The following TLK1 variants were observed in gnomAD, a reference collection of about 807,000 sequenced individuals.
The protein encoded by TLK1 is tousled like kinase 1, also known as serine/threonine-protein kinase tousled-like 1.
A neutral mutation model predicts 105.3 loss-of-function variants in TLK1; 24 were observed. The observed-to-expected ratio is 0.23, with a 90% CI of 0.17 to 0.32. The LOEUF (loss-of-function observed/expected upper bound fraction) is 0.32. TLK1 is among the 10% of genes least tolerant of loss of function. TLK1 has a pLI of 1.00. For synonymous variants in TLK1, 321 were observed against 310.4 expected, an observed-to-expected ratio of 1.03 and a Z score of -0.36; for missense variants, 558 against 910.5, an observed-to-expected ratio of 0.61 and a Z score of 4.98.
chr2:171,177,582 A>T (rs1692853518), intron 1 of TLK1, among the ~76,000 whole-genome samples: 1 of 152,164 alleles, frequency 6.6e-6, no homozygotes, highest in African/African-American at 2.4e-5. Context: ...CCAAATTAGG[A>T]ACAGAACTGG....
intron 2 of TLK1, among the ~76,000 whole-genome samples, chr2:171,108,584 G>A (rs76544270): frequency 0.032 from 4,843 of 151,982 alleles, 251 homozygotes; most frequent in African/African-American, 0.11. Flanking sequence ...AACATATGCT[G>A]TCTACAAGAA....
At chr2:171,113,016 A>C (rs1408303972) in intron 2 of TLK1, among the ~76,000 whole-genome samples, 1 of 152,162 alleles carries the variant, frequency 6.6e-6, no homozygotes. Context: ...AAGCTATAAT[A>C]GAAGAATTCC....
At chr2:171,180,132 G>A (rs1317920030) in intron 1 of TLK1, among the ~76,000 whole-genome samples, 1 of 151,636 alleles carries the variant, frequency 6.6e-6, no homozygotes, top group East Asian at 1.9e-4. Flanking sequence ...CAGGCATGGG[G>A]GTGGACGTCT....
chr2:171,082,299 G>A (rs1012024368), intron 3 of TLK1, among the ~76,000 whole-genome samples: 4 of 151,980 alleles, frequency 2.6e-5, no homozygotes, highest in African/African-American at 7.3e-5. Context: ...ATTAAGAGGG[G>A]AGGGAATTCT....
chr2:171,142,898 T>C (rs889354326), intron 1 of TLK1, among the ~76,000 whole-genome samples: 8 of 152,170 alleles, frequency 5.3e-5, no homozygotes, highest in Non-Finnish European at 1.0e-4. Context: ...ATTTAAATCT[T>C]ACTAGAATGG....
At position 171,046,089 on chromosome 2, in the gene TLK1, T is replaced by C. The variant is rs538428853; in HGVS notation, c.1169+85A>G. On this transcript the variant is annotated intron_variant, in intron 11 of 20. Transcript: ENST00000431350. ...GTCTTAATCATTTTTGCTATCTAAG[T>C]ATTAATTATAAATAACATCCATTAG... 4.1e-6 allele frequency: 5 copies of C among 1,208,930 alleles called. No individual in the cohort carries two copies. The South Asian group carries it at 8.3e-5, about 20-fold the overall frequency. 74.9% of individuals were successfully genotyped at this position (1,208,930 alleles called of 1,614,324 possible).
chr2:171,080,119 C>A (rs569229772), intron 3 of TLK1, among the ~76,000 whole-genome samples: 4 of 150,802 alleles, frequency 2.7e-5, no homozygotes, highest in Non-Finnish European at 5.9e-5. Flanking sequence ...ATTGCTTGAA[C>A]CTGGGAGGCG....
At chr2:171,062,369 G>A (rs756307880) in intron 3 of TLK1, among the ~76,000 whole-genome samples, 6 of 152,168 alleles carry the variant, frequency 3.9e-5, no homozygotes, top group African/African-American at 7.2e-5. Context: ...TCATGTCTCT[G>A]AGTGGGCCTA....
At position 171,160,559 on chromosome 2, in the gene TLK1, C is replaced by G. The variant is rs1692446615; in HGVS notation, c.-131G>C. 5.2e-6 allele frequency: 7 copies of G among 1,352,252 alleles called. No homozygotes were observed. Among genetic ancestry groups the G allele is most frequent in the Non-Finnish European group, 5.9e-6 (6 of 1,008,464 alleles). 83.8% of individuals were successfully genotyped at this position (1,352,252 alleles called of 1,614,324 possible). ...AGAGCGAGGGCTGGGAGGGGAGAGTCAAGGGGATGGGGGAGGAAACCGAGA... is the reference window on the plus strand; with the variant it reads ...AGAGCGAGGGCTGGGAGGGGAGAGTGAAGGGGATGGGGGAGGAAACCGAGA... On this transcript the variant is annotated 5_prime_UTR_variant, in exon 1 of 21. Transcript: ENST00000431350. The surrounding 1 kb of genome is among the most constrained non-coding windows in gnomAD (Gnocchi z 4.4).
rs1017320848 is a variant in TLK1, at chr2:171,028,525, T to C, written c.1170-120A>G. The C allele has an allele frequency of 4.7e-6, 3 of 633,310 alleles. No homozygotes were observed. The African/African-American group carries it at 5.7e-5, about 12-fold the overall frequency. 39.2% of individuals were successfully genotyped at this position (633,310 alleles called of 1,614,324 possible). A position where few individuals can be genotyped will look rare whatever the true frequency, so the allele number is the denominator to read the frequency against. ...TGTGGACAACTTTAAGCCCAAAATG[T>C]ATGAGCCAAAAATCCTTTGAGATAT... On this transcript the variant is annotated intron_variant, in intron 11 of 20. Coordinates refer to ENST00000431350, the MANE Select transcript of TLK1 (RefSeq NM_012290.5).
At position 170,991,633 on chromosome 2, in the gene TLK1, T is replaced by A. The variant is rs1683788317; in HGVS notation, c.*2147A>T. On this transcript the variant is annotated 3_prime_UTR_variant, in exon 21 of 21. Transcript: ENST00000431350. ...TGCCACTAGCAGTCGCTCTCATTCA[T>A]TTGAAAGTAAAATGGTAAAGCAGTG... 1 of 152,194 alleles carries A rather than the reference T, an allele frequency of 6.6e-6. No homozygotes were observed. The highest frequency in any genetic ancestry group is 2.4e-5 in the African/African-American group (1 of 41,438). 9.4% of individuals were successfully genotyped at this position (152,194 alleles called of 1,614,324 possible). A position where few individuals can be genotyped will look rare whatever the true frequency, so the allele number is the denominator to read the frequency against.
At chr2:171,135,897 A>G (rs1575619926) in intron 1 of TLK1, among the ~76,000 whole-genome samples, 1 of 152,310 alleles carries the variant, frequency 6.6e-6, no homozygotes, top group East Asian at 1.9e-4. Context: ...AAAAACACTG[A>G]AAAAAAGTGT....
At position 171,182,031 on chromosome 2, in the gene TLK1, T is replaced by C. The variant is rs139758679; in HGVS notation, c.-6+49114A>G. Among the ~76,000 whole-genome samples, 6 of 152,332 alleles carry C rather than the reference T, an allele frequency of 3.9e-5. No individual in the cohort carries two copies. In the East Asian group the frequency reaches 1.2e-3, roughly 29 times the overall value. On this transcript the variant is annotated intron_variant, in intron 1 of 20. Transcript: ENST00000521943. Reference sequence around the variant, plus strand: ...TCTGGGTCGATCCAACCAGTGGCTTTTCACTCCTATACCTGAGCATGTAGA... The same window carrying C: ...TCTGGGTCGATCCAACCAGTGGCTTCTCACTCCTATACCTGAGCATGTAGA...
intron 3 of TLK1, among the ~76,000 whole-genome samples, chr2:171,070,171 G>T (rs1688185827): frequency 6.6e-6 from 1 of 150,694 alleles, no homozygotes; most frequent in Non-Finnish European, 1.5e-5. Context: ...AGCTTAGAAG[G>T]TTCCTTTTTA....
chr2:171,118,441 T>G (rs1467946209), intron 1 of TLK1, among the ~76,000 whole-genome samples: 2 of 152,196 alleles, frequency 1.3e-5, no homozygotes, highest in African/African-American at 4.8e-5. Flanking sequence ...TTTATTATTG[T>G]CACAATCCTT....
intron 3 of TLK1, among the ~76,000 whole-genome samples, chr2:171,073,886 C>T (rs1688377803): frequency 1.6e-5 from 2 of 124,018 alleles, no homozygotes; most frequent in East Asian, 2.9e-4. Flanking sequence ...CCCCCCCCTC[C>T]TTTTTTTTTC....
intron 1 of TLK1, among the ~76,000 whole-genome samples, chr2:171,120,259 A>G (rs1690600587): frequency 6.6e-6 from 1 of 150,822 alleles, no homozygotes; most frequent in Non-Finnish European, 1.5e-5. Context: ...AAAAAAAAAA[A>G]AAAAAAAAAA....
chr2:171,049,715 A>G, intron 10 of TLK1, 99 bp downstream of exon 10: 1 of 1,404,870 alleles, frequency 7.1e-7, no homozygotes, highest in Middle Eastern at 2.5e-4. Context: ...ATTTCAGAGT[A>G]GCGAGGAACT....
chr2:171,055,203 C>CA (rs71399594), intron 6 of TLK1, 31 bp from the exon 7 acceptor site: 145,306 of 513,690 alleles, frequency 0.28, 8,852 homozygotes, highest in African/African-American at 0.45. Context: ...TTTATATTAG[C>CA]AAAAAAAAAA....
Sources: gnomAD v4.1 joint callset for allele counts (sites outside exome capture counted in the v4.1 genomes callset) on GRCh38, gnomAD v4.1.1 for gene constraint, Gnocchi (gnomAD v3.1) non-coding constraint, MANE v1.5 for transcripts, NCBI Gene and HGNC (gene_info 2026-07-23, HGNC 2026-07-21) for gene names.